The following TCAIM variants were observed in gnomAD, a reference collection of about 807,000 sequenced individuals.
The protein encoded by TCAIM is T cell activation inhibitor, mitochondrial.
Under a neutral mutation model 58.6 loss-of-function variants are expected in TCAIM, and 36 were observed. The ratio of observed to expected loss-of-function variants is 0.61; its 90% confidence interval spans 0.47 to 0.81. TCAIM has a LOEUF of 0.81. Ranked by LOEUF, TCAIM falls within the 30% of genes least tolerant of loss-of-function variation. The pLI is 0.00. For missense variants in TCAIM, 466 were observed against 579.6 expected (o/e 0.80, Z 2.01); for synonymous variants, 172 against 193.6 (o/e 0.89, Z 0.93).
chr3:44,340,080 AAGACG>A (rs1700825698), intron 1 of TCAIM: 1 of 152,222 alleles, frequency 6.6e-6, no homozygotes, highest in African/African-American at 2.4e-5. Flanking sequence ...AATTTATCTG[AAGACG>A]AGAAGCCTGC....
intron 5 of TCAIM, chr3:44,368,023 G>A (rs972422917): frequency 2.0e-5 from 5 of 255,954 alleles, no homozygotes; most frequent in South Asian, 6.8e-5. Context: ...AGTTACCCCC[G>A]GTACATGGAG....
At chr3:44,363,377 A>G (rs1400691884) in intron 4 of TCAIM, among the ~76,000 whole-genome samples, 2 of 152,198 alleles carry the variant, frequency 1.3e-5, no homozygotes, top group African/African-American at 4.8e-5. Context: ...GATTTAAAAC[A>G]TTTTTACTTC....
At chr3:44,354,004 G>T (rs927212813) in intron 1 of TCAIM, among the ~76,000 whole-genome samples, 5 of 152,042 alleles carry the variant, frequency 3.3e-5, no homozygotes, top group African/African-American at 9.7e-5. Context: ...TATCCCCAAG[G>T]TCATCTAGAT....
At chr3:44,384,114 G>A (rs1178976830) in intron 5 of TCAIM, among the ~76,000 whole-genome samples, 2 of 152,052 alleles carry the variant, frequency 1.3e-5, no homozygotes, top group Non-Finnish European at 2.9e-5. Flanking sequence ...TATCTCAATA[G>A]TAATTAATTG....
chr3:44,361,930 G>A (rs1701301766), intron 4 of TCAIM, among the ~76,000 whole-genome samples: 1 of 152,234 alleles, frequency 6.6e-6, no homozygotes, highest in Admixed American at 6.5e-5. Flanking sequence ...AAGAATATGA[G>A]TCTTGAACCC....
chr3:44,378,359 G>A (rs570514602), intron 5 of TCAIM, among the ~76,000 whole-genome samples: 4 of 151,852 alleles, frequency 2.6e-5, no homozygotes, highest in Admixed American at 6.6e-5. Context: ...CAGCCTGGGC[G>A]ACAGAGTGAG....
At chr3:44,343,751 C>T (rs1016672528) in intron 1 of TCAIM, among the ~76,000 whole-genome samples, 1 of 152,312 alleles carries the variant, frequency 6.6e-6, no homozygotes, top group South Asian at 2.1e-4. Context: ...ACACCTAATT[C>T]TCAACCTGTC....
At chr3:44,379,756 T>A (rs1701626487) in intron 5 of TCAIM, among the ~76,000 whole-genome samples, 1 of 152,094 alleles carries the variant, frequency 6.6e-6, no homozygotes, top group Admixed American at 6.6e-5. Flanking sequence ...AGGGTGTTTC[T>A]AACTATCAGG....
upstream of TCAIM, chr3:44,338,326 A>C (rs1700760938): frequency 6.6e-6 from 1 of 152,484 alleles, no homozygotes; most frequent in East Asian, 1.9e-4. Context: ...GCCGGTAAGA[A>C]GGCGGAGGGG....
At chr3:44,349,147 T>C (rs1040774492) in intron 1 of TCAIM, among the ~76,000 whole-genome samples, 5 of 151,774 alleles carry the variant, frequency 3.3e-5, no homozygotes, top group African/African-American at 7.3e-5. Flanking sequence ...AACTCAGAGT[T>C]TGGGGTGGAG....
At chr3:44,342,564 C>G (rs976109722) in intron 1 of TCAIM, among the ~76,000 whole-genome samples, 2 of 152,086 alleles carry the variant, frequency 1.3e-5, no homozygotes, top group African/African-American at 2.4e-5. Flanking sequence ...AAATCTCTAG[C>G]TTTTTCGTTT....
At chr3:44,371,693 C>T (rs1575256722) in intron 5 of TCAIM, among the ~76,000 whole-genome samples, 2 of 152,260 alleles carry the variant, frequency 1.3e-5, no homozygotes, top group Middle Eastern at 6.8e-3. Flanking sequence ...TTCACATAGG[C>T]CCAGAGCCCC....
chr3:44,362,796 AG>A (rs1415856591), intron 4 of TCAIM: 3 of 172,556 alleles, frequency 1.7e-5, no homozygotes, highest in Non-Finnish European at 3.7e-5. Flanking sequence ...TGCTGTTCCT[AG>A]GCATGAGAGT....
intron 3 of TCAIM, 42 bp downstream of exon 3, chr3:44,357,918 G>A (rs777289588): frequency 1.0e-5 from 16 of 1,598,740 alleles, no homozygotes; most frequent in Non-Finnish European, 1.1e-5. Context: ...GTACATTTCT[G>A]CTTATTTACC....
intron 5 of TCAIM, among the ~76,000 whole-genome samples, chr3:44,369,520 C>G (rs562356901): frequency 6.6e-6 from 1 of 152,168 alleles, no homozygotes; most frequent in East Asian, 1.9e-4. Context: ...GAAAAGAGTG[C>G]CCCAAGGACC....
At chr3:44,405,988 C>CT (rs1702094993) in intron 10 of TCAIM, among the ~76,000 whole-genome samples, 1 of 151,228 alleles carries the variant, frequency 6.6e-6, no homozygotes, top group African/African-American at 2.4e-5. Context: ...CTCATGCTGA[C>CT]TGCAGAGGCA....
At chr3:44,377,663 C>T (rs1276848395) in intron 5 of TCAIM, among the ~76,000 whole-genome samples, 2 of 152,122 alleles carry the variant, frequency 1.3e-5, no homozygotes, top group African/African-American at 4.8e-5. Flanking sequence ...GATAAATATA[C>T]AGAGTATCTT....
At chr3:44,359,566 C>T (rs552244533) in intron 3 of TCAIM, 6 of 152,262 alleles carry the variant, frequency 3.9e-5, no homozygotes, top group Admixed American at 3.9e-4. Context: ...ACCTGACTGA[C>T]CCCCAGTAAA....
chr3:44,346,278 C>T (rs1342530257), intron 1 of TCAIM, among the ~76,000 whole-genome samples: 3 of 152,146 alleles, frequency 2.0e-5, no homozygotes, highest in Admixed American at 6.5e-5. Context: ...AAGGCTGGTC[C>T]ATTATCGGAC....
Sources: allele counts gnomAD v4.1 joint callset (sites outside exome capture counted in the v4.1 genomes callset), GRCh38; gene constraint gnomAD v4.1.1; transcripts MANE v1.5; gene names NCBI Gene and HGNC (gene_info 2026-07-23, HGNC 2026-07-21).